Variants in LDB2 observed in about 807,000 individuals in gnomAD.
LDB2 encodes LIM domain binding 2, also known as LIM domain-binding protein 2.
LDB2 carries 12 observed loss-of-function variants against 44.3 expected under a neutral mutation model. The ratio of observed to expected loss-of-function variants is 0.27; its 90% CI spans 0.17 to 0.44. LDB2 has a LOEUF of 0.44. Ranked by LOEUF, LDB2 falls within the 20% of genes least tolerant of loss-of-function variation. The pLI is 1.00. For missense variants in LDB2, 344 were observed against 473.5 expected, an observed-to-expected ratio of 0.73 and a Z score of 2.54; for synonymous variants, 164 against 174.8, an observed-to-expected ratio of 0.94 and a Z score of 0.49.
chr4:16,502,715 G>C lies in LDB2; in HGVS notation c.1050C>G (p.Ser350Arg). ...FNNSPALGNN[S>R]PWNSKPPATQ... The stretch of plus-strand genomic sequence containing the variant: ...TGGCGGGAGGTTTACTGTTCCACGG[G>C]CTGTTGTTCCCCAGCGCGGGTGAAT... Residue 350 changes from serine to arginine, a missense_variant, in exon 8 of 8, where the codon AGC becomes AGG. By Grantham distance (110) the Ser-to-Arg change is moderately radical. Transcript: ENST00000304523. 1 of 1,613,990 alleles carries C rather than the reference G, an allele frequency of 6.2e-7. No homozygotes were observed. The highest frequency in any genetic ancestry group is 1.1e-5 in the South Asian group (1 of 91,084).
At chr4:16,660,685 G>A (rs1045565922) in intron 2 of LDB2, among the ~76,000 whole-genome samples, 2 of 152,140 alleles carry the variant, frequency 1.3e-5, no homozygotes, top group Non-Finnish European at 2.9e-5. Context: ...TCATCTTACT[G>A]TTACTGCTGT....
chr4:16,558,368 A>T (rs1410553993), intron 5 of LDB2, among the ~76,000 whole-genome samples: 2 of 152,222 alleles, frequency 1.3e-5, no homozygotes, highest in East Asian at 3.8e-4. Flanking sequence ...TGCCTAAAGG[A>T]GCTGATGGAG....
chr4:16,508,202 C>T (rs1382817285), intron 7 of LDB2, among the ~76,000 whole-genome samples: 1 of 152,178 alleles, frequency 6.6e-6, no homozygotes, highest in African/African-American at 2.4e-5. Flanking sequence ...GCTGAGAGGC[C>T]TTAATACGCC....
At chr4:16,594,677 T>C (rs1218053590) in intron 3 of LDB2, among the ~76,000 whole-genome samples, 4 of 152,234 alleles carry the variant, frequency 2.6e-5, no homozygotes, top group African/African-American at 9.6e-5. Context: ...ATATTTTTAT[T>C]CTTGCAGCAA....
chr4:16,731,840 T>C (rs1760831442), intron 2 of LDB2, among the ~76,000 whole-genome samples: 1 of 152,134 alleles, frequency 6.6e-6, no homozygotes, highest in South Asian at 2.1e-4. Flanking sequence ...TTTTCGCTCA[T>C]CTAGGTCTAT....
At chr4:16,667,908 C>T (rs1443419842) in intron 2 of LDB2, among the ~76,000 whole-genome samples, 1 of 152,202 alleles carries the variant, frequency 6.6e-6, no homozygotes, top group Non-Finnish European at 1.5e-5. Flanking sequence ...CCCTCTCACT[C>T]TGGTCCTCTG....
intron 2 of LDB2, among the ~76,000 whole-genome samples, chr4:16,634,821 A>G (rs865817062): frequency 6.6e-6 from 1 of 152,194 alleles, no homozygotes; most frequent in Non-Finnish European, 1.5e-5. Context: ...AAATCATTCT[A>G]TGATAAAGAC....
intron 2 of LDB2, among the ~76,000 whole-genome samples, chr4:16,619,620 C>G (rs1728294612): frequency 6.7e-6 from 1 of 148,192 alleles, no homozygotes; most frequent in Non-Finnish European, 1.5e-5. Flanking sequence ...AGGTAATTCC[C>G]AGAGCCACCA....
At chr4:16,865,185 G>A (rs2110296924) in intron 1 of LDB2, among the ~76,000 whole-genome samples, 1 of 152,278 alleles carries the variant, frequency 6.6e-6, no homozygotes, top group Admixed American at 6.5e-5. Context: ...CTTGGGGGTG[G>A]AGGTTGCAGT....
intron 1 of LDB2, among the ~76,000 whole-genome samples, chr4:16,775,208 A>G (rs1446194523): frequency 2.6e-5 from 4 of 152,230 alleles, no homozygotes; most frequent in African/African-American, 9.6e-5. Flanking sequence ...GCTATATAAT[A>G]CATGGACCAG....
intron 5 of LDB2, among the ~76,000 whole-genome samples, chr4:16,556,433 A>G (rs886961946): frequency 9.2e-5 from 14 of 152,228 alleles, no homozygotes; most frequent in Non-Finnish European, 1.8e-4. Context: ...AGGCTTTGGA[A>G]TATAGTGGGC....
chr4:16,606,419 A>G (rs146126943), intron 2 of LDB2, among the ~76,000 whole-genome samples: 3 of 152,184 alleles, frequency 2.0e-5, no homozygotes, highest in Non-Finnish European at 4.4e-5. Flanking sequence ...AAATGCTGTT[A>G]CCAATTTGCT....
intron 2 of LDB2, among the ~76,000 whole-genome samples, chr4:16,713,164 A>C (rs1454302296): frequency 6.6e-6 from 1 of 152,230 alleles, no homozygotes; most frequent in Non-Finnish European, 1.5e-5. Context: ...TAGAAATTAC[A>C]CTAATAGTTG....
chr4:16,511,846 C>T, intron 6 of LDB2, 135 bp downstream of exon 6: 1 of 990,054 alleles, frequency 1.0e-6, no homozygotes, highest in Non-Finnish European at 1.5e-6. Context: ...ATGTCCACAA[C>T]CATGGTCAGA....
chr4:16,896,146 T>C (rs1326462035), intron 1 of LDB2, among the ~76,000 whole-genome samples: 1 of 152,148 alleles, frequency 6.6e-6, no homozygotes, highest in African/African-American at 2.4e-5. Flanking sequence ...CACTTTACTG[T>C]TACAGGCAGG....
intron 1 of LDB2, among the ~76,000 whole-genome samples, chr4:16,798,035 G>GAAAAA (rs371276215): frequency 2.8e-5 from 2 of 71,970 alleles, no homozygotes; most frequent in Non-Finnish European, 3.0e-5. Context: ...ACTCTGTCTC[G>GAAAAA]AAAAAAAAAA....
At chr4:16,628,417 T>C (rs1034135312) in intron 2 of LDB2, among the ~76,000 whole-genome samples, 34 of 152,300 alleles carry the variant, frequency 2.2e-4, no homozygotes, top group Admixed American at 1.4e-3. Context: ...CAGAGGGCCC[T>C]GGACTGAAGG....
rs975349911 is a variant in LDB2 at position 16,582,940 on chromosome 4, A to T, written c.615+2982T>A. ...GTGATTTGATAACCCAAATCAAATG[A>T]CAATAGTTGTTCTTGTTGTTGCTTC... On this transcript the variant is annotated intron_variant, in intron 5 of 7. Transcript: ENST00000304523. This position sits in a 1 kb window ranked among gnomAD's most constrained non-coding sequence, Gnocchi z 4.8. 2.0e-5 allele frequency among the ~76,000 whole-genome samples: 3 copies of T among 152,006 alleles called. No individual in the cohort carries two copies. The highest frequency in any genetic ancestry group is 7.3e-5 in the African/African-American group (3 of 41,258).
At chr4:16,797,003 G>T (rs928956086) in intron 1 of LDB2, among the ~76,000 whole-genome samples, 1 of 152,218 alleles carries the variant, frequency 6.6e-6, no homozygotes, top group Non-Finnish European at 1.5e-5. Flanking sequence ...GTGGTATTGT[G>T]CAGGGAAGCC....
Sources: gnomAD v4.1 joint callset for allele counts (sites outside exome capture counted in the v4.1 genomes callset) on GRCh38, gnomAD v4.1.1 for gene constraint, Gnocchi (gnomAD v3.1) non-coding constraint, MANE v1.5 for transcripts, NCBI Gene and HGNC (gene_info 2026-07-23, HGNC 2026-07-21) for gene names.